Variants in PTPN9 observed in about 807,000 individuals in gnomAD.
The protein encoded by PTPN9 is tyrosine-protein phosphatase non-receptor type 9.
Under a neutral mutation model 69.8 loss-of-function variants are expected in PTPN9, and 26 were observed. The ratio of observed to expected loss-of-function variants is 0.37; its 90% CI spans 0.27 to 0.52. PTPN9 has a LOEUF of 0.52. Among genes scored for constraint, PTPN9 ranks in the 20% least tolerant of loss-of-function variants. PTPN9 has a pLI of 0.91. For synonymous variants in PTPN9, 274 were observed against 272.5 expected (o/e 1.01, Z -0.05); for missense variants, 549 against 740.3 (o/e 0.74, Z 3.00).
intron 5 of PTPN9, among the ~76,000 whole-genome samples, chr15:75,514,314 C>T (rs752458373): frequency 2.6e-5 from 4 of 152,078 alleles, no homozygotes; most frequent in Non-Finnish European, 4.4e-5. Context: ...CACAGTGGTT[C>T]ACGCCTGTAA....
chr15:75,506,082 TATCAGGTTTG>T, intron 6 of PTPN9, 79 bp from the exon 7 acceptor site: 1 of 1,171,078 alleles, frequency 8.5e-7, no homozygotes, highest in South Asian at 1.5e-5. Context: ...AATGTATTTA[TATCAGGTTTG>T]GAGGATGGGA....
At chr15:75,558,791 A>T (rs1226263951) in intron 1 of PTPN9, among the ~76,000 whole-genome samples, 10 of 149,562 alleles carry the variant, frequency 6.7e-5, no homozygotes, top group South Asian at 2.1e-4. Flanking sequence ...TCGGCCTCCC[A>T]AGGTGCCGGG....
At chr15:75,516,367 G>A (rs528561947) in intron 5 of PTPN9, among the ~76,000 whole-genome samples, 8 of 145,764 alleles carry the variant, frequency 5.5e-5, no homozygotes, top group Non-Finnish European at 1.1e-4. Flanking sequence ...GCAGTGGCAC[G>A]ATCTTGGCTC....
At chr15:75,532,319 T>C (rs535513129) in intron 1 of PTPN9, among the ~76,000 whole-genome samples, 2 of 152,102 alleles carry the variant, frequency 1.3e-5, no homozygotes, top group South Asian at 4.1e-4. Flanking sequence ...GTAGAATCGC[T>C]TGAACCCAGG....
In PTPN9 at chr15:75,530,553, T is replaced by TA. The variant is rs1312954233; in HGVS notation, c.64-3293dup. Among the ~76,000 whole-genome samples the TA allele has an allele frequency of 5.4e-4, 32 of 59,400 alleles. 1 individual carries two copies. Among genetic ancestry groups the TA allele is most frequent in the African/African-American group, 8.6e-4 (11 of 12,780 alleles). 39.0% of individuals were successfully genotyped at this position (59,400 alleles called of 152,430 possible). On this transcript the variant is annotated intron_variant, in intron 1 of 12. Coordinates refer to ENST00000618819, the MANE Select transcript of PTPN9 (RefSeq NM_002833.4). ...TATATAATATTATTATATTATAATA[T>TA]ATTATATATTATTATATTATAATAT...
At chr15:75,516,742 T>C (rs1403858297) in intron 5 of PTPN9, among the ~76,000 whole-genome samples, 1 of 61,106 alleles carries the variant, frequency 1.6e-5, no homozygotes, top group African/African-American at 1.2e-4. Context: ...GTTCCTGTGC[T>C]TTTTTTTTTT....
intron 1 of PTPN9, among the ~76,000 whole-genome samples, chr15:75,554,506 T>C (rs932428452): frequency 3.9e-5 from 6 of 151,986 alleles, no homozygotes; most frequent in South Asian, 2.1e-4. Flanking sequence ...TAAAATTTTT[T>C]TGTAGAGGCA....
At chr15:75,478,751 T>C (rs2074611212) in intron 9 of PTPN9, among the ~76,000 whole-genome samples, 1 of 152,264 alleles carries the variant, frequency 6.6e-6, no homozygotes. Context: ...TATTCATTTC[T>C]CAATGCATCA....
chr15:75,576,547 C>A (rs1403758500), intron 1 of PTPN9, among the ~76,000 whole-genome samples: 1 of 151,640 alleles, frequency 6.6e-6, no homozygotes, highest in Non-Finnish European at 1.5e-5. Context: ...CAGTAACTCA[C>A]GACTGTAATC....
chr15:75,497,408 C>G (rs1435363541), intron 7 of PTPN9, among the ~76,000 whole-genome samples: 1 of 152,182 alleles, frequency 6.6e-6, no homozygotes, highest in Non-Finnish European at 1.5e-5. Context: ...AAGAAAATCA[C>G]TTGAGCCCAG....
intron 9 of PTPN9, among the ~76,000 whole-genome samples, chr15:75,478,502 C>A (rs1430344156): frequency 6.6e-6 from 1 of 151,976 alleles, no homozygotes; most frequent in African/African-American, 2.4e-5. Flanking sequence ...GCTTCCTGGG[C>A]TCAAGTGATA....
chr15:75,515,727 G>GTC (rs1412549630), intron 5 of PTPN9, among the ~76,000 whole-genome samples: 1 of 151,814 alleles, frequency 6.6e-6, no homozygotes, highest in Non-Finnish European at 1.5e-5. Context: ...GAGAAACCCC[G>GTC]TCTCTACCAA....
At chr15:75,499,261 T>C (rs959352783) in intron 7 of PTPN9, among the ~76,000 whole-genome samples, 2 of 152,024 alleles carry the variant, frequency 1.3e-5, no homozygotes, top group South Asian at 4.1e-4. Flanking sequence ...ATGAGGATTC[T>C]AGGTTCTAAA....
At chr15:75,550,323 A>C (rs1375749997) in intron 1 of PTPN9, among the ~76,000 whole-genome samples, 2 of 151,070 alleles carry the variant, frequency 1.3e-5, no homozygotes, top group Non-Finnish European at 3.0e-5. Context: ...CCGCCACTAC[A>C]TCCAGCTGAT....
At chr15:75,519,103 T>C (rs2074888069) in intron 4 of PTPN9, among the ~76,000 whole-genome samples, 1 of 152,184 alleles carries the variant, frequency 6.6e-6, no homozygotes, top group South Asian at 2.1e-4. Flanking sequence ...ATCAGGAGTC[T>C]CAAAGTTATT....
intron 1 of PTPN9, among the ~76,000 whole-genome samples, chr15:75,564,847 T>C (rs1043248296): frequency 3.3e-5 from 5 of 151,826 alleles, no homozygotes; most frequent in Non-Finnish European, 7.4e-5. Context: ...CTCACGACTG[T>C]AATCCCGGCA....
chr15:75,565,006 C>T (rs913200155), intron 1 of PTPN9, among the ~76,000 whole-genome samples: 2 of 151,340 alleles, frequency 1.3e-5, no homozygotes, highest in East Asian at 1.9e-4. Context: ...GAGACTAAGG[C>T]AGGAGAACTG....
intron 1 of PTPN9, among the ~76,000 whole-genome samples, chr15:75,536,814 C>T (rs1172639662): frequency 6.6e-6 from 1 of 151,986 alleles, no homozygotes; most frequent in Non-Finnish European, 1.5e-5. Flanking sequence ...TAACTATAAG[C>T]AGTGGGGAAG....
Position 75,469,999 on chromosome 15 carries a change from C to A in PTPN9, c.1360G>T (p.Glu454Ter). ...TGGGTCACCTGGCGTTTCTGCCGTT[C>A]CTTAGATAAGAAAAGAAGTAAACGT... is the stretch of plus-strand genomic sequence containing the variant. ...KTTLEIHNTE[E>*]RQKRQVTHFQ... The change falls in exon 12 of 13, where the codon GAA (glutamate) becomes TAA (stop). Residue 454 changes from glutamate to a stop codon, truncating the protein, a stop_gained and splice_region_variant. Transcript: ENST00000618819. LOFTEE classifies it high-confidence loss of function. 2 of 1,608,652 alleles carry A rather than the reference C, an allele frequency of 1.2e-6. No homozygotes were observed. Among genetic ancestry groups the A allele is most frequent in the South Asian group, 2.2e-5 (2 of 90,976 alleles).
Sources: gnomAD v4.1 joint callset for allele counts (sites outside exome capture counted in the v4.1 genomes callset) on GRCh38, gnomAD v4.1.1 for gene constraint, MANE v1.5 for transcripts, NCBI Gene and HGNC (gene_info 2026-07-23, HGNC 2026-07-21) for gene names.